The following WWOX variants were observed in gnomAD, a reference collection of about 807,000 sequenced individuals.
The protein encoded by WWOX is WW domain-containing oxidoreductase.
Under a neutral mutation model 46.2 loss-of-function variants are expected in WWOX, and 69 were observed. The observed-to-expected ratio is 1.49, with a 90% CI of 1.23 to 1.82. The LOEUF is 1.82. Among genes scored for constraint, WWOX ranks in the 40% most tolerant of loss-of-function variants. WWOX has a pLI of 0.00. For synonymous variants in WWOX, 359 were observed against 202.6 expected, an observed-to-expected ratio of 1.77 and a Z score of -6.56; for missense variants, 919 against 542.6, an observed-to-expected ratio of 1.69 and a Z score of -6.89.
chr16:78,945,384 A>G (rs1379759465), intron 8 of WWOX, among the ~76,000 whole-genome samples: 1 of 152,192 alleles, frequency 6.6e-6, no homozygotes, highest in Non-Finnish European at 1.5e-5. Flanking sequence ...TATAATTGTG[A>G]AATCCACCCT....
At chr16:78,906,000 A>G (rs2151248301) in intron 8 of WWOX, among the ~76,000 whole-genome samples, 1 of 152,310 alleles carries the variant, frequency 6.6e-6, no homozygotes, top group African/African-American at 2.4e-5. Flanking sequence ...TAATATTTTG[A>G]TAAGTATTTT....
At chr16:78,943,300 C>T (rs117318584) in intron 8 of WWOX, among the ~76,000 whole-genome samples, 338 of 151,606 alleles carry the variant, frequency 2.2e-3, no homozygotes, top group Middle Eastern at 6.8e-3. Flanking sequence ...GAATGAGGTA[C>T]GCTAAACGAG....
At chr16:78,762,863 C>T (rs919099796) in intron 8 of WWOX, among the ~76,000 whole-genome samples, 4 of 152,260 alleles carry the variant, frequency 2.6e-5, no homozygotes, top group African/African-American at 9.6e-5. Flanking sequence ...AAATGCAACG[C>T]TACTTTGAAG....
intron 8 of WWOX, among the ~76,000 whole-genome samples, chr16:78,777,280 C>T (rs2050214601): frequency 1.3e-5 from 2 of 152,094 alleles, no homozygotes; most frequent in South Asian, 2.1e-4. Context: ...TCAATGCCAT[C>T]CAACAGGAAT....
At chr16:78,409,716 G>T (rs72797954) in intron 6 of WWOX, among the ~76,000 whole-genome samples, 1 of 152,044 alleles carries the variant, frequency 6.6e-6, no homozygotes, top group Non-Finnish European at 1.5e-5. Context: ...TTAAGGTGTC[G>T]GTATGGCTCT....
chr16:78,670,600 G>T (rs183068746), intron 8 of WWOX, among the ~76,000 whole-genome samples: 1 of 151,962 alleles, frequency 6.6e-6, no homozygotes, highest in Non-Finnish European at 1.5e-5. Flanking sequence ...GATGAATAAT[G>T]TCCCCCCAAA....
intron 8 of WWOX, among the ~76,000 whole-genome samples, chr16:78,458,527 C>T (rs1597114064): frequency 6.6e-6 from 1 of 152,214 alleles, no homozygotes; most frequent in South Asian, 2.1e-4. Flanking sequence ...TCACAAAGTG[C>T]TGGGATTACA....
chr16:78,370,926 C>G (rs796292147), intron 5 of WWOX, among the ~76,000 whole-genome samples: 3 of 148,646 alleles, frequency 2.0e-5, no homozygotes, highest in African/African-American at 7.4e-5. Context: ...AATTTTGTTT[C>G]CTGACATAGA....
At chr16:79,047,169 A>G (rs2048080870) in intron 8 of WWOX, among the ~76,000 whole-genome samples, 1 of 152,154 alleles carries the variant, frequency 6.6e-6, no homozygotes, top group African/African-American at 2.4e-5. Flanking sequence ...ATAAATATTT[A>G]TTGAGTAGTA....
intron 8 of WWOX, among the ~76,000 whole-genome samples, chr16:79,117,922 TCCAAA>T (rs1458399002): frequency 1.3e-5 from 2 of 152,232 alleles, no homozygotes; most frequent in African/African-American, 4.8e-5. Context: ...TGATCCTGTA[TCCAAA>T]CCACTCAAAC....
intron 5 of WWOX, among the ~76,000 whole-genome samples, chr16:78,295,454 G>C (rs576035179): frequency 6.6e-6 from 1 of 152,326 alleles, no homozygotes; most frequent in South Asian, 2.1e-4. Context: ...GCTCACGCCT[G>C]TAATCCTAGC....
At chr16:78,970,336 C>G (rs1442558324) in intron 8 of WWOX, among the ~76,000 whole-genome samples, 3 of 152,204 alleles carry the variant, frequency 2.0e-5, no homozygotes, top group South Asian at 2.1e-4. Flanking sequence ...TGGACTTTCT[C>G]TAGTTCACTG....
At chr16:78,474,585 G>A (rs2084311651) in intron 8 of WWOX, among the ~76,000 whole-genome samples, 2 of 152,160 alleles carry the variant, frequency 1.3e-5, no homozygotes, top group South Asian at 4.1e-4. Context: ...CAGCTTTATT[G>A]AGAGATAATT....
intron 8 of WWOX, among the ~76,000 whole-genome samples, chr16:78,544,061 G>C (rs1214172237): frequency 6.6e-6 from 1 of 152,146 alleles, no homozygotes; most frequent in African/African-American, 2.4e-5. Flanking sequence ...AGTAGGAAAA[G>C]CCTAGCCAAG....
At chr16:78,358,209 G>C (rs550590285) in intron 5 of WWOX, among the ~76,000 whole-genome samples, 1 of 151,992 alleles carries the variant, frequency 6.6e-6, no homozygotes, top group East Asian at 1.9e-4. Flanking sequence ...ATAACCTCTT[G>C]TATTTACAAA....
chr16:78,406,882 T>G (rs2082562074), intron 6 of WWOX, among the ~76,000 whole-genome samples: 1 of 152,184 alleles, frequency 6.6e-6, no homozygotes, highest in Non-Finnish European at 1.5e-5. Flanking sequence ...CGCTTCAGCC[T>G]CCCAAAGTGC....
At chr16:79,182,565 G>C in intron 8 of WWOX, among the ~76,000 whole-genome samples, 1 of 152,046 alleles carries the variant, frequency 6.6e-6, no homozygotes, top group East Asian at 1.9e-4. Context: ...GGTTGGTGGG[G>C]TTATTTGTGC....
intron 8 of WWOX, among the ~76,000 whole-genome samples, chr16:79,092,258 G>A (rs1384082240): frequency 1.3e-5 from 2 of 152,070 alleles, no homozygotes; most frequent in African/African-American, 2.4e-5. Flanking sequence ...CGATTATTAA[G>A]GCTTTAACAA....
chr16:78,874,913 G>C (rs1175691097), intron 8 of WWOX, among the ~76,000 whole-genome samples: 4 of 152,028 alleles, frequency 2.6e-5, no homozygotes, highest in African/African-American at 9.7e-5. Flanking sequence ...CAAGCATAGA[G>C]ACACAACCCT....
Sources: allele counts gnomAD v4.1 joint callset (sites outside exome capture counted in the v4.1 genomes callset), GRCh38; gene constraint gnomAD v4.1.1; transcripts MANE v1.5; gene names NCBI Gene and HGNC (gene_info 2026-07-23, HGNC 2026-07-21).